Variants in LRRC52 observed in about 807,000 individuals in gnomAD.
The protein encoded by LRRC52 is leucine-rich repeat-containing protein 52.
LRRC52 carries 15 observed loss-of-function variants against 14.7 expected under a neutral mutation model. That is an observed-to-expected ratio of 1.02 (90% CI 0.68 to 1.58). The LOEUF (loss-of-function observed/expected upper bound fraction) is 1.58, where lower values mean the gene tolerates loss of function less well. Among genes scored for constraint, LRRC52 ranks in the 40% most tolerant of loss-of-function variants. The pLI is 0.00. For missense variants in LRRC52, 400 were observed against 387.7 expected (o/e 1.03, Z -0.27); for synonymous variants, 180 against 163.9 (o/e 1.10, Z -0.75).
chr1:165,552,178 G>A (rs1444637807), intron 1 of LRRC52, among the ~76,000 whole-genome samples: 1 of 152,086 alleles, frequency 6.6e-6, no homozygotes, highest in African/African-American at 2.4e-5. Context: ...GGGTGATGCT[G>A]ACACACTCCC....
intron 1 of LRRC52, among the ~76,000 whole-genome samples, 181 bp downstream of exon 1, chr1:165,545,099 A>G (rs1260563580): frequency 1.3e-5 from 2 of 152,184 alleles, no homozygotes; most frequent in Non-Finnish European, 2.9e-5. Context: ...GTTCTGAAAT[A>G]GGAATTCAAA....
In LRRC52 at chr1:165,544,196, T is replaced by C; in HGVS notation, c.-101T>C. ...CACAAAGCTAAAGTGTTACAGTTCT[T>C]TCCAGAGCCCCTCCCCCGCCCCACC... On this transcript the variant is annotated 5_prime_UTR_variant, in exon 1 of 2. Coordinates refer to ENST00000294818, the MANE Select transcript of LRRC52 (RefSeq NM_001005214.4). 7.5e-7 allele frequency: 1 copy of C among 1,326,300 alleles called. No individual in the cohort carries two copies. The highest frequency in any genetic ancestry group is 2.2e-5 in the Admixed American group (1 of 45,206). The allele number at this position is 1,326,300 out of a possible 1,614,324, so 82.2% of individuals were successfully genotyped here. A position where few individuals can be genotyped will look rare whatever the true frequency, so the allele number is the denominator to read the frequency against.
chr1:165,544,220 C>CCCCCCCCCCCG lies in LRRC52; in HGVS notation c.-71_-70insCCCCGCCCCCC. The CCCCCCCCCCCG allele has an allele frequency of 1.6e-6, 2 of 1,280,308 alleles. No individual in the cohort carries two copies. Among genetic ancestry groups the CCCCCCCCCCCG allele is most frequent in the Non-Finnish European group, 2.1e-6 (2 of 939,062 alleles). The allele number at this position is 1,280,308 out of a possible 1,614,324, so 79.3% of individuals were successfully genotyped here. A position where few individuals can be genotyped will look rare whatever the true frequency, so the allele number is the denominator to read the frequency against. ...TTTCCAGAGCCCCTCCCCCGCCCCACCCCCCCACCGGCAGCCTTCGGATCA... is the reference window on the plus strand; with the variant it reads ...TTTCCAGAGCCCCTCCCCCGCCCCACCCCCCCCCCCGCCCCCCACCGGCAGCCTTCGGATCA... On this transcript the variant is annotated 5_prime_UTR_variant, in exon 1 of 2. Transcript: ENST00000294818.
intron 1 of LRRC52, among the ~76,000 whole-genome samples, chr1:165,557,984 C>A (rs1661272381): frequency 1.3e-5 from 2 of 152,168 alleles, no homozygotes; most frequent in African/African-American, 4.8e-5. Flanking sequence ...TGCAGCACAG[C>A]CCTGGGCAGA....
Position 165,563,645 on chromosome 1 carries a change from A to G in LRRC52, c.763A>G (p.Ile255Val), listed in dbSNP as rs1397670196. ...YIFLLLIGFCIFAAGTVAAWL... is the reference protein window; with the variant it reads ...YIFLLLIGFCVFAAGTVAAWL... The stretch of plus-strand genomic sequence containing the variant: ...CTTCCTGCTGCTCATCGGCTTCTGC[A>G]TCTTCGCCGCGGGAACTGTGGCTGC... The change falls in exon 2 of 2, where the codon ATC becomes GTC. Residue 255 changes from isoleucine to valine, a missense_variant. By Grantham distance (29) the Ile-to-Val change is conservative (BLOSUM62 3). Transcript: ENST00000294818. The G allele has an allele frequency of 1.2e-6, 2 of 1,614,192 alleles. No individual in the cohort carries two copies. The highest frequency in any genetic ancestry group is 8.5e-7 in the Non-Finnish European group (1 of 1,180,042).
intron 1 of LRRC52, among the ~76,000 whole-genome samples, chr1:165,545,318 G>A (rs1660998136): frequency 6.6e-6 from 1 of 152,158 alleles, no homozygotes; most frequent in Non-Finnish European, 1.5e-5. Flanking sequence ...ACTGTATTCT[G>A]TTGGTAAACT....
At chr1:165,556,117 A>G (rs1388893197) in intron 1 of LRRC52, among the ~76,000 whole-genome samples, 1 of 152,206 alleles carries the variant, frequency 6.6e-6, no homozygotes. Context: ...GTGTTATTTT[A>G]TTGGTGAAAT....
intron 1 of LRRC52, among the ~76,000 whole-genome samples, chr1:165,546,628 G>C (rs1052751586): frequency 6.6e-6 from 1 of 152,014 alleles, no homozygotes; most frequent in Non-Finnish European, 1.5e-5. Context: ...ACTTTTCCTT[G>C]AGTATAGCCC....
intron 1 of LRRC52, among the ~76,000 whole-genome samples, chr1:165,562,439 T>A (rs1661362884): frequency 6.6e-6 from 1 of 152,108 alleles, no homozygotes; most frequent in Admixed American, 6.5e-5. Context: ...GAAGAGTATA[T>A]GGAGTTAGAA....
Position 165,563,817 on chromosome 1 carries a change from T to G in LRRC52, c.935T>G (p.Leu312Arg). The G allele has an allele frequency of 6.2e-7, 1 of 1,613,652 alleles. No homozygotes were observed. The highest frequency in any genetic ancestry group is 8.5e-7 in the Non-Finnish European group (1 of 1,179,656). Residue 312 changes from leucine to arginine, a missense_variant, in exon 2 of 2, where the codon CTT becomes CGT. By Grantham distance (102) the Leu-to-Arg change is moderately radical. Transcript: ENST00000294818. ...QTSSVQEFPQ[L>R]I ...AGCTCGGTCCAGGAGTTCCCTCAGC[T>G]TATTTAGTTGCCAGAGACCACTATC...
In LRRC52 at chr1:165,563,862, T is replaced by A. The variant is rs757115634; in HGVS notation, c.*38T>A. 4 of 1,584,484 alleles carry A rather than the reference T, an allele frequency of 2.5e-6. No individual in the cohort carries two copies. In the African/African-American group the frequency reaches 5.4e-5, roughly 21 times the overall value. ...ACTATCTTATGTGCCTCCCCCAGGCTCCCTGCTTTCTCTCTTGCCCTCCCC... is the reference window on the plus strand; with the variant it reads ...ACTATCTTATGTGCCTCCCCCAGGCACCCTGCTTTCTCTCTTGCCCTCCCC... On this transcript the variant is annotated 3_prime_UTR_variant, in exon 2 of 2. Coordinates refer to ENST00000294818, the MANE Select transcript of LRRC52 (RefSeq NM_001005214.4).
chr1:165,558,251 A>G (rs1162142626), intron 1 of LRRC52, among the ~76,000 whole-genome samples: 3 of 152,220 alleles, frequency 2.0e-5, no homozygotes, highest in Non-Finnish European at 2.9e-5. Context: ...GAAGTTCAAT[A>G]TTAATGACAT....
Position 165,544,778 on chromosome 1 carries a change from G to A in LRRC52, c.482G>A (p.Gly161Asp). ...AGGTACCTGGACCTCAGAAATACCG[G>A]CTTGCAGACCCTGGACAGTGCTGCC... is the stretch of plus-strand genomic sequence containing the variant. Reference protein sequence around the residue: ...SLRYLDLRNTGLQTLDSAALY... With the variant: ...SLRYLDLRNTDLQTLDSAALY... The change falls in exon 1 of 2, where the codon GGC (glycine) becomes GAC (aspartate). Residue 161 changes from glycine (G) to aspartate (D), a missense_variant. Transcript: ENST00000294818. 1 of 1,613,890 alleles carries A rather than the reference G, an allele frequency of 6.2e-7. No individual in the cohort carries two copies. Among genetic ancestry groups the A allele is most frequent in the Non-Finnish European group, 8.5e-7 (1 of 1,179,980 alleles).
rs1289021170 is a variant in LRRC52 at position 165,563,674 on chromosome 1, G to A, written c.792G>A (p.Trp264Ter). The change falls in exon 2 of 2, where the codon TGG becomes TGA. Residue 264 changes from tryptophan to a stop codon, truncating the protein, a stop_gained. Transcript: ENST00000294818. LOFTEE classifies it low-confidence loss of function (END_TRUNC). ...CIFAAGTVAA[W>*]LTGVCAVLYQ... is the part of the protein sequence containing the mutation. Reference sequence around the variant, plus strand: ...TCGCCGCGGGAACTGTGGCTGCCTGGCTCACAGGTGTGTGTGCTGTGCTCT... The same window carrying A: ...TCGCCGCGGGAACTGTGGCTGCCTGACTCACAGGTGTGTGTGCTGTGCTCT... The A allele has an allele frequency of 6.2e-7, 1 of 1,614,154 alleles. No individual in the cohort carries two copies. The highest frequency in any genetic ancestry group is 1.1e-5 in the South Asian group (1 of 91,078).
At chr1:165,548,056 G>A (rs1028898292) in intron 1 of LRRC52, among the ~76,000 whole-genome samples, 1 of 152,164 alleles carries the variant, frequency 6.6e-6, no homozygotes, top group Non-Finnish European at 1.5e-5. Context: ...ATTCTAGCAT[G>A]GAGCCCATGT....
chr1:165,561,006 C>T (rs1346264125), intron 1 of LRRC52, among the ~76,000 whole-genome samples: 1 of 151,872 alleles, frequency 6.6e-6, no homozygotes, highest in African/African-American at 2.4e-5. Context: ...GAAATGGCCC[C>T]GAGCTGGGAA....
At chr1:165,554,454 T>G (rs868761707) in intron 1 of LRRC52, among the ~76,000 whole-genome samples, 8 of 78,966 alleles carry the variant, frequency 1.0e-4, no homozygotes, top group East Asian at 3.8e-4. Context: ...TGTTGTTGTT[T>G]TTTGGAGGCA....
chr1:165,545,327 C>T (rs532482923), intron 1 of LRRC52, among the ~76,000 whole-genome samples: 2 of 152,270 alleles, frequency 1.3e-5, no homozygotes, highest in South Asian at 4.2e-4. Context: ...TGTTGGTAAA[C>T]TGTTTTAATC....
intron 1 of LRRC52, among the ~76,000 whole-genome samples, chr1:165,552,699 T>G (rs753723621): frequency 3.9e-5 from 6 of 152,230 alleles, no homozygotes; most frequent in Non-Finnish European, 2.9e-5. Flanking sequence ...GGCACAATTC[T>G]AATTAATAAA....
Sources: allele counts gnomAD v4.1 joint callset (sites outside exome capture counted in the v4.1 genomes callset), GRCh38; gene constraint gnomAD v4.1.1; transcripts MANE v1.5; gene names NCBI Gene and HGNC (gene_info 2026-07-23, HGNC 2026-07-21).